The following PHLDB2 variants were observed in gnomAD, a reference collection of about 807,000 sequenced individuals.
PHLDB2 encodes the protein pleckstrin homology like domain family B member 2.
PHLDB2 carries 71 observed loss-of-function variants against 123.6 expected under a neutral mutation model. That is an observed-to-expected ratio of 0.57 (90% CI 0.47 to 0.70). The LOEUF (loss-of-function observed/expected upper bound fraction) is 0.70, where lower values mean the gene tolerates loss of function less well. PHLDB2 is among the 30% of genes least tolerant of loss of function. The probability of loss-of-function intolerance (pLI) is 0.00; values close to 1 mark genes in which losing one functional copy is unlikely to be tolerated. For synonymous variants in PHLDB2, 547 were observed against 541.6 expected, an observed-to-expected ratio of 1.01 and a Z score of -0.14; for missense variants, 1,446 against 1,519.5, an observed-to-expected ratio of 0.95 and a Z score of 0.80.
intron 12 of PHLDB2, among the ~76,000 whole-genome samples, chr3:111,955,378 A>G (rs1044519855): frequency 6.6e-6 from 1 of 151,946 alleles, no homozygotes; most frequent in African/African-American, 2.4e-5. Context: ...AAATCCATCT[A>G]TTTTGGCTCT....
chr3:111,969,139 C>A (rs1262747087), intron 15 of PHLDB2, among the ~76,000 whole-genome samples: 3 of 152,164 alleles, frequency 2.0e-5, no homozygotes, highest in African/African-American at 7.2e-5. Flanking sequence ...TTTATGTTAG[C>A]TTTACTTTTC....
intron 1 of PHLDB2, among the ~76,000 whole-genome samples, chr3:111,817,823 T>A (rs2108378368): frequency 6.6e-6 from 1 of 152,318 alleles, no homozygotes; most frequent in South Asian, 2.1e-4. Context: ...CAAATCAGAC[T>A]GAGCAGAAAT....
intron 1 of PHLDB2, among the ~76,000 whole-genome samples, chr3:111,830,593 A>C (rs1184440376): frequency 6.7e-6 from 1 of 149,186 alleles, no homozygotes; most frequent in Non-Finnish European, 1.5e-5. Context: ...GCGGATCACG[A>C]GGTCAGGAGA....
intron 1 of PHLDB2, among the ~76,000 whole-genome samples, chr3:111,786,684 A>C (rs1340367097): frequency 6.6e-6 from 1 of 152,166 alleles, no homozygotes; most frequent in Non-Finnish European, 1.5e-5. Flanking sequence ...CCCAATGATA[A>C]GCAGTAGAAT....
At chr3:111,822,748 C>A (rs72936483) in intron 1 of PHLDB2, among the ~76,000 whole-genome samples, 6,245 of 152,198 alleles carry the variant, frequency 0.041, 439 homozygotes, top group African/African-American at 0.14. Flanking sequence ...CTCCTTGGTC[C>A]AAATTCCCTG....
intron 10 of PHLDB2, among the ~76,000 whole-genome samples, 182 bp from the exon 11 acceptor site, chr3:111,952,390 T>C (rs746377930): frequency 6.6e-6 from 1 of 152,234 alleles, no homozygotes; most frequent in Non-Finnish European, 1.5e-5. Context: ...ATTCCTACAG[T>C]GTTTAGTATC....
chr3:111,973,351 T>A (rs2072338315), intron 16 of PHLDB2, among the ~76,000 whole-genome samples: 1 of 152,150 alleles, frequency 6.6e-6, no homozygotes, highest in African/African-American at 2.4e-5. Context: ...TTACAACAGA[T>A]CTACATATTA....
chr3:111,846,149 G>A, intron 2 of PHLDB2: 1 of 489,590 alleles, frequency 2.0e-6, no homozygotes. Flanking sequence ...CATATGCTGA[G>A]GTTTTATTTA....
chr3:111,788,854 A>G (rs4546124), intron 1 of PHLDB2, among the ~76,000 whole-genome samples: 142,709 of 152,268 alleles, frequency 0.94, 66,927 homozygotes, highest in East Asian at 1. Flanking sequence ...ACAAAAGATT[A>G]CACACCCCTG....
At chr3:111,758,414 C>T (rs1258272644) in intron 1 of PHLDB2, among the ~76,000 whole-genome samples, 5 of 152,174 alleles carry the variant, frequency 3.3e-5, no homozygotes, top group African/African-American at 4.8e-5. Flanking sequence ...GAGCCATGTG[C>T]GGGATATAAT....
rs186834880 is a variant in PHLDB2 at position 111,941,699 on chromosome 3, C to T, written c.2397+1054C>T. On this transcript the variant is annotated intron_variant, in intron 8 of 17. Coordinates refer to ENST00000431670, the MANE Select transcript of PHLDB2 (RefSeq NM_001134438.2). ...AGCACACACCTTGATCCCAGCTACT[C>T]AGAAGGCTGAGGCAGGAGAATCACT... Among the ~76,000 whole-genome samples, 549 of 152,260 alleles carry T rather than the reference C, an allele frequency of 3.6e-3. 6 individuals carry two copies. The highest frequency in any genetic ancestry group is 0.013 in the African/African-American group (529 of 41,548).
intron 3 of PHLDB2, chr3:111,915,483 G>A (rs1292151059): frequency 6.6e-6 from 1 of 152,652 alleles, no homozygotes; most frequent in Non-Finnish European, 1.5e-5. Context: ...AGGCTGGAGT[G>A]CAGTGGTGCA....
chr3:111,744,202 C>T (rs2059647944), intron 1 of PHLDB2, among the ~76,000 whole-genome samples: 1 of 152,134 alleles, frequency 6.6e-6, no homozygotes, highest in African/African-American at 2.4e-5. Context: ...AAGAAATGTT[C>T]AGCCACAGTA....
intron 1 of PHLDB2, among the ~76,000 whole-genome samples, chr3:111,775,221 G>A (rs767653039): frequency 6.6e-6 from 1 of 152,106 alleles, no homozygotes; most frequent in African/African-American, 2.4e-5. Flanking sequence ...AGAGCAGAGA[G>A]ATCAAAAAGA....
intron 1 of PHLDB2, among the ~76,000 whole-genome samples, chr3:111,782,418 C>G (rs1333415360): frequency 1.3e-5 from 2 of 152,058 alleles, no homozygotes; most frequent in Non-Finnish European, 2.9e-5. Context: ...CTACCATGAG[C>G]CCCTCAAAAT....
At position 111,966,840 on chromosome 3, in the gene PHLDB2, C is replaced by T. The variant is rs867720878; in HGVS notation, c.3168+137C>T. On this transcript the variant is annotated intron_variant, in intron 14 of 17. Coordinates refer to ENST00000431670, the MANE Select transcript of PHLDB2 (RefSeq NM_001134438.2). ...ACTCAACCTTTCTCAGTCTCATTTT[C>T]TTATCTGAAAAATAAAGGTGTTAGA... The T allele has an allele frequency of 1.5e-4, 94 of 629,854 alleles. No individual in the cohort carries two copies. The Middle Eastern group carries it at 3.8e-3, about 25-fold the overall frequency. The allele number at this position is 629,854 out of a possible 1,614,324, so 39.0% of individuals were successfully genotyped here.
chr3:111,961,076 TA>T (rs1279729803), intron 12 of PHLDB2, among the ~76,000 whole-genome samples: 3 of 152,180 alleles, frequency 2.0e-5, no homozygotes, highest in Non-Finnish European at 1.5e-5. Context: ...CTCACGCCTG[TA>T]ATCCCAGCAC....
At chr3:111,890,072 G>T (rs1366910601) in intron 2 of PHLDB2, among the ~76,000 whole-genome samples, 2 of 152,076 alleles carry the variant, frequency 1.3e-5, no homozygotes, top group Non-Finnish European at 2.9e-5. Context: ...TACACAAATA[G>T]AAAAACAAAT....
At chr3:111,883,498 C>A (rs2066032686) in intron 1 of PHLDB2, among the ~76,000 whole-genome samples, 3 of 152,258 alleles carry the variant, frequency 2.0e-5, no homozygotes, top group South Asian at 2.1e-4. Flanking sequence ...ACTAAAGGAG[C>A]TTTAAGTCTT....
Sources: allele counts gnomAD v4.1 joint callset (sites outside exome capture counted in the v4.1 genomes callset), GRCh38; gene constraint gnomAD v4.1.1; transcripts MANE v1.5; gene names NCBI Gene and HGNC (gene_info 2026-07-23, HGNC 2026-07-21).